The following CFAP91 variants were observed in gnomAD, a reference collection of about 807,000 sequenced individuals.
CFAP91 encodes cilia- and flagella-associated protein 91.
A neutral mutation model predicts 95.9 loss-of-function variants in CFAP91; 85 were observed. The observed-to-expected ratio is 0.89, with a 90% confidence interval of 0.74 to 1.06. CFAP91 has a LOEUF of 1.06. Among genes scored for constraint, CFAP91 ranks in the 50% least tolerant of loss-of-function variants. The pLI, the probability that CFAP91 is intolerant of heterozygous loss-of-function variation, is 0.00. For missense variants in CFAP91, 962 were observed against 943.4 expected, an observed-to-expected ratio of 1.02 and a Z score of -0.26; for synonymous variants, 335 against 327.5, an observed-to-expected ratio of 1.02 and a Z score of -0.25.
intron 17 of CFAP91, among the ~76,000 whole-genome samples, chr3:119,763,266 A>G (rs897589361): frequency 6.6e-6 from 1 of 152,106 alleles, no homozygotes. Flanking sequence ...AAAAGCCACA[A>G]TGTGATATCA....
rs143683729 is a variant in CFAP91 at position 119,747,196 on chromosome 3, C to G, written c.1984C>G (p.Gln662Glu). 3.7e-6 allele frequency: 6 copies of G among 1,613,568 alleles called. No individual in the cohort carries two copies. Among genetic ancestry groups the G allele is most frequent in the Admixed American group, 1.7e-5 (1 of 59,956 alleles). ...TACCGAAGCGAATACTGCAGAAGAA[C>G]AAGCCAGGGCAGAAATAGAGAAGAT... is the stretch of plus-strand genomic sequence containing the variant. ...LNTEANTAEE[Q>E]ARAEIEKMAE... The change falls in exon 15 of 18, where the codon CAA becomes GAA. Residue 662 changes from glutamine to glutamate, a missense_variant. Physicochemically the swap from Gln to Glu is conservative, Grantham distance 29 (BLOSUM62 2). Coordinates refer to ENST00000273390, the MANE Select transcript of CFAP91 (RefSeq NM_033364.4).
At chr3:119,710,986 T>A (rs2053461582) in intron 5 of CFAP91, among the ~76,000 whole-genome samples, 1 of 152,234 alleles carries the variant, frequency 6.6e-6, no homozygotes, top group Non-Finnish European at 1.5e-5. Context: ...GAAAAAAGTC[T>A]AAGGTATTCA....
intron 12 of CFAP91, 99 bp downstream of exon 12, chr3:119,739,425 C>T (rs984119284): frequency 9.6e-7 from 1 of 1,039,498 alleles, no homozygotes; most frequent in African/African-American, 1.6e-5. Context: ...CCTTTTGCAC[C>T]CTGCTATCCT....
Position 119,733,480 on chromosome 3 carries a change from G to A in CFAP91, c.1318G>A (p.Asp440Asn). ...AGFLKRAARL[D>N]YELAEVHKAL... is the part of the protein sequence containing the mutation. ...TTTTCTGAAGAGGGCAGCAAGGTTG[G>A]ACTATGAGTTGGCAGAGGTTCATAA... is the stretch of plus-strand genomic sequence containing the variant. Residue 440 changes from aspartate to asparagine, a missense_variant, in exon 10 of 18, where the codon GAC (aspartate) becomes AAC (asparagine). Transcript: ENST00000273390. 6.2e-7 allele frequency: 1 copy of A among 1,613,952 alleles called. No individual in the cohort carries two copies. The highest frequency in any genetic ancestry group is 1.6e-4 in the Middle Eastern group (1 of 6,062).
chr3:119,753,564 A>G (rs186129200), intron 17 of CFAP91, among the ~76,000 whole-genome samples: 3 of 152,360 alleles, frequency 2.0e-5, no homozygotes, highest in African/African-American at 4.8e-5. Context: ...AAGAATATTC[A>G]GGTACGTGAG....
rs757282587 is a variant in CFAP91, at chr3:119,708,621, A to C, written c.390A>C (p.Glu130Asp). The change falls in exon 4 of 18, where the codon GAA (glutamate) becomes GAC (aspartate). Residue 130 changes from glutamate to aspartate, a missense_variant. Coordinates refer to ENST00000273390, the MANE Select transcript of CFAP91 (RefSeq NM_033364.4). ...TTDASFQMPKEVYEDPEVTGK... is the reference protein window; with the variant it reads ...TTDASFQMPKDVYEDPEVTGK... ...ACGCTTCTTTTCAGATGCCTAAAGA[A>C]GTTTATGAAGATCCTGAAGTTACTG... The C allele has an allele frequency of 1.2e-6, 2 of 1,607,338 alleles. No individual in the cohort carries two copies. The highest frequency in any genetic ancestry group is 1.7e-6 in the Non-Finnish European group (2 of 1,176,644).
Position 119,744,080 on chromosome 3 carries a change from A to G in CFAP91, c.1786A>G (p.Ile596Val), listed in dbSNP as rs368891785. 6.2e-7 allele frequency: 1 copy of G among 1,614,074 alleles called. No homozygotes were observed. The highest frequency in any genetic ancestry group is 1.3e-5 in the African/African-American group (1 of 74,946). The change falls in exon 14 of 18, where the codon ATC becomes GTC. Residue 596 changes from isoleucine to valine, a missense_variant. By Grantham distance (29) the Ile-to-Val change is conservative (BLOSUM62 3). Coordinates refer to ENST00000273390, the MANE Select transcript of CFAP91 (RefSeq NM_033364.4). The part of the protein sequence containing the change: ...ELVRLQEERR[I>V]HAFVMLAERQ... ...GGTGAGACTGCAGGAGGAGAGGAGGATCCATGCCTTTGTCATGCTGGCTGA... is the reference window on the plus strand; with the variant it reads ...GGTGAGACTGCAGGAGGAGAGGAGGGTCCATGCCTTTGTCATGCTGGCTGA...
chr3:119,714,646 T>C (rs548846789), intron 5 of CFAP91, among the ~76,000 whole-genome samples: 1 of 152,352 alleles, frequency 6.6e-6, no homozygotes, highest in Admixed American at 6.5e-5. Flanking sequence ...TGAATTCTCC[T>C]TTACTCATTT....
intron 5 of CFAP91, chr3:119,710,112 G>T: frequency 4.0e-6 from 2 of 505,282 alleles, no homozygotes; most frequent in East Asian, 3.3e-5. Flanking sequence ...GGGTAAGTTG[G>T]TTTTTGTTTA....
chr3:119,707,905 T>G (rs1411164036), intron 3 of CFAP91, among the ~76,000 whole-genome samples: 1 of 152,040 alleles, frequency 6.6e-6, no homozygotes, highest in African/African-American at 2.4e-5. Context: ...CAAGAATAAG[T>G]CGAATTCTTT....
chr3:119,709,698 T>C, intron 4 of CFAP91, 141 bp from the exon 5 acceptor site: 2 of 664,896 alleles, frequency 3.0e-6, no homozygotes, highest in South Asian at 3.8e-5. Flanking sequence ...TGATTTTTTA[T>C]GTCCAGAAGT....
Position 119,715,653 on chromosome 3 carries a change from G to A in CFAP91, c.592G>A (p.Ala198Thr). The change falls in exon 6 of 18, where the codon GCT becomes ACT. Residue 198 changes from alanine (A) to threonine (T), a missense_variant. Physicochemically the swap from Ala to Thr is moderately conservative, Grantham distance 58. Transcript: ENST00000273390. Reference sequence around the variant, plus strand: ...GGGCACTCAGACTGATTATCGGGATGCTGACGTTCAAACAGATCCATACTC... The same window carrying A: ...GGGCACTCAGACTGATTATCGGGATACTGACGTTCAAACAGATCCATACTC... ...TVGTQTDYRD[A>T]DVQTDPYSAE... 1.9e-6 allele frequency: 3 copies of A among 1,613,520 alleles called. No individual in the cohort carries two copies. The highest frequency in any genetic ancestry group is 2.5e-6 in the Non-Finnish European group (3 of 1,179,438).
intron 1 of CFAP91, among the ~76,000 whole-genome samples, chr3:119,703,669 TG>T (rs1439131067): frequency 1.3e-5 from 2 of 152,052 alleles, no homozygotes; most frequent in South Asian, 2.1e-4. Context: ...TGTTGTTGTT[TG>T]TTTTTTTTAA....
chr3:119,715,940 T>G lies in CFAP91; in HGVS notation c.682+197T>G, dbSNP rs1247609964. 6.6e-6 allele frequency: 4 copies of G among 607,468 alleles called. No homozygotes were observed. In the East Asian group the frequency reaches 1.1e-4, roughly 17 times the overall value. 37.6% of individuals were successfully genotyped at this position (607,468 alleles called of 1,614,324 possible). A position where few individuals can be genotyped will look rare whatever the true frequency, so the allele number is the denominator to read the frequency against. On this transcript the variant is annotated intron_variant, in intron 6 of 17. Transcript: ENST00000273390. ...ATACTATCTTTTTATTGTGAGTAGT[T>G]TTATCGTACTCTATCTGTGAAGCTG...
At chr3:119,715,005 C>T (rs1370056766) in intron 5 of CFAP91, among the ~76,000 whole-genome samples, 1 of 152,090 alleles carries the variant, frequency 6.6e-6, no homozygotes, top group Admixed American at 6.5e-5. Flanking sequence ...CTAACTTTCC[C>T]ACATGTTAAT....
rs2053940211 is a variant in CFAP91 at position 119,733,389 on chromosome 3, C to A, written c.1227C>A (p.Leu409=). 6.2e-7 allele frequency: 1 copy of A among 1,613,926 alleles called. No homozygotes were observed. Among genetic ancestry groups the A allele is most frequent in the African/African-American group, 1.3e-5 (1 of 74,922 alleles). The part of the protein sequence containing the change: ...YEGLVELESC[L]PDFVTQPQIR... ...GATTAGTGGAACTTGAGTCATGTCTCCCAGATTTTGTGACACAACCCCAAA... is the reference window on the plus strand; with the variant it reads ...GATTAGTGGAACTTGAGTCATGTCTACCAGATTTTGTGACACAACCCCAAA... Residue 409 remains leucine (L), a synonymous_variant, in exon 10 of 18, where the codon CTC becomes CTA. Transcript: ENST00000273390.
Position 119,726,215 on chromosome 3 carries a change from A to G in CFAP91, c.727A>G (p.Arg243Gly), listed in dbSNP as rs368923661. 6.2e-7 allele frequency: 1 copy of G among 1,613,306 alleles called. No homozygotes were observed. Among genetic ancestry groups the G allele is most frequent in the Admixed American group, 1.7e-5 (1 of 59,924 alleles). The stretch of plus-strand genomic sequence containing the variant: ...ACAAGCTGAGGTGGAGATGATAGAA[A>G]GAGCCCGCGAGAAGCGTGCTTGGGA... ...AGQAEVEMIERAREKRAWEAS... is the reference protein window; with the variant it reads ...AGQAEVEMIEGAREKRAWEAS... Residue 243 changes from arginine (R) to glycine (G), a missense_variant, in exon 7 of 18, where the codon AGA becomes GGA. Physicochemically the swap from Arg to Gly is moderately radical, Grantham distance 125 (BLOSUM62 -2). Transcript: ENST00000273390.
rs1446458792 is a variant in CFAP91 at position 119,744,128 on chromosome 3, G to C, written c.1834G>C (p.Ala612Pro). 6.2e-7 allele frequency: 1 copy of C among 1,614,098 alleles called. No homozygotes were observed. Among genetic ancestry groups the C allele is most frequent in the Admixed American group, 1.7e-5 (1 of 60,030 alleles). ...TGAGCGCCAGCGGCGGGTACGAGAG[G>C]CTGAAGAGAGTGGTCGGCGCCAGGT... ...LAERQRRVREAEESGRRQVEK... is the reference protein window; with the variant it reads ...LAERQRRVREPEESGRRQVEK... The change falls in exon 14 of 18, where the codon GCT (alanine) becomes CCT (proline). Residue 612 changes from alanine (A) to proline (P), a missense_variant. By Grantham distance (27) the Ala-to-Pro change is conservative. Coordinates refer to ENST00000273390, the MANE Select transcript of CFAP91 (RefSeq NM_033364.4).
Position 119,744,070 on chromosome 3 carries a change from G to A in CFAP91, c.1776G>A (p.Glu592=). 1 of 1,614,250 alleles carries A rather than the reference G, an allele frequency of 6.2e-7. No homozygotes were observed. The part of the protein sequence containing the change: ...FLSKELVRLQ[E]ERRIHAFVML... ...CCAAAGAGCTGGTGAGACTGCAGGAGGAGAGGAGGATCCATGCCTTTGTCA... is the reference window on the plus strand; with the variant it reads ...CCAAAGAGCTGGTGAGACTGCAGGAAGAGAGGAGGATCCATGCCTTTGTCA... Residue 592 remains glutamate (E), a synonymous_variant, in exon 14 of 18, where the codon GAG becomes GAA. Coordinates refer to ENST00000273390, the MANE Select transcript of CFAP91 (RefSeq NM_033364.4).
Sources: allele counts gnomAD v4.1 joint callset (sites outside exome capture counted in the v4.1 genomes callset), GRCh38; gene constraint gnomAD v4.1.1; transcripts MANE v1.5; gene names NCBI Gene and HGNC (gene_info 2026-07-23, HGNC 2026-07-21).